TMEM182: variants seen among roughly 807,000 people sequenced by gnomAD.
TMEM182 encodes transmembrane protein 182.
TMEM182 carries 20 observed loss-of-function variants against 26.8 expected under a neutral mutation model. The ratio of observed to expected loss-of-function variants is 0.75; its 90% CI spans 0.53 to 1.09. The LOEUF is 1.09. Ranked by LOEUF, TMEM182 falls within the 50% of genes least tolerant of loss-of-function variation. TMEM182 has a pLI of 0.00. For missense variants in TMEM182, 277 were observed against 275.5 expected, an observed-to-expected ratio of 1.01 and a Z score of -0.04; for synonymous variants, 109 against 102.2, an observed-to-expected ratio of 1.07 and a Z score of -0.40.
chr2:102,776,033 A>G (rs1320862644), intron 3 of TMEM182, among the ~76,000 whole-genome samples: 2 of 152,226 alleles, frequency 1.3e-5, no homozygotes, highest in African/African-American at 4.8e-5. Flanking sequence ...TAAAAAAAGA[A>G]TAAGACTTTT....
At chr2:102,813,142 A>G (rs528758039) in intron 4 of TMEM182, among the ~76,000 whole-genome samples, 1 of 152,332 alleles carries the variant, frequency 6.6e-6, no homozygotes, top group South Asian at 2.1e-4. Flanking sequence ...TTGATTCTTC[A>G]TTGCTCTGTA....
At chr2:102,796,432 G>C (rs1290475979) in intron 3 of TMEM182, among the ~76,000 whole-genome samples, 1 of 152,194 alleles carries the variant, frequency 6.6e-6, no homozygotes, top group East Asian at 1.9e-4. Flanking sequence ...TGGCACAGAA[G>C]CTGTCCTGTG....
intron 4 of TMEM182, among the ~76,000 whole-genome samples, chr2:102,805,109 A>G (rs137927964): frequency 1.1e-4 from 16 of 152,360 alleles, no homozygotes; most frequent in Admixed American, 2.0e-4. Context: ...TATTATATAG[A>G]AAAGAGATGT....
chr2:102,760,666 G>A (rs551504114), upstream of TMEM182, among the ~76,000 whole-genome samples: 1 of 152,188 alleles, frequency 6.6e-6, no homozygotes, highest in South Asian at 2.1e-4. Flanking sequence ...CCAGGCTGGA[G>A]TGCAATGGCA....
chr2:102,754,166 C>G (rs933224602), intron 1 of TMEM182, among the ~76,000 whole-genome samples: 9 of 152,142 alleles, frequency 5.9e-5, no homozygotes, highest in Non-Finnish European at 1.3e-4. Context: ...CGTCTTGTGT[C>G]TAGGATGATG....
chr2:102,824,608 A>G (rs917414250), intron 3 of TMEM182, among the ~76,000 whole-genome samples: 8 of 152,124 alleles, frequency 5.3e-5, no homozygotes, highest in Admixed American at 5.2e-4. Flanking sequence ...GCAGATCACA[A>G]GGTCAGGAAA....
At chr2:102,742,377 A>G (rs1424473192) in intron 1 of TMEM182, among the ~76,000 whole-genome samples, 1 of 152,212 alleles carries the variant, frequency 6.6e-6, no homozygotes, top group Non-Finnish European at 1.5e-5. Flanking sequence ...AGAATTGAAT[A>G]TTAATGAATT....
At chr2:102,764,544 T>A in intron 3 of TMEM182, 117 bp downstream of exon 3, 1 of 693,920 alleles carries the variant, frequency 1.4e-6, no homozygotes, top group Non-Finnish European at 2.2e-6. Flanking sequence ...AATTTCAATA[T>A]TTTTGATATC....
At chr2:102,760,602 GT>G (rs981715892), upstream of TMEM182, among the ~76,000 whole-genome samples, 2 of 151,084 alleles carry the variant, frequency 1.3e-5, no homozygotes, top group Non-Finnish European at 3.0e-5. Context: ...TTCTATTCAT[GT>G]TTTTTTTTGT....
intron 3 of TMEM182, among the ~76,000 whole-genome samples, chr2:102,831,220 C>A (rs113264598): frequency 1.1e-4 from 17 of 152,194 alleles, no homozygotes; most frequent in African/African-American, 4.1e-4. Flanking sequence ...GGGTATACAC[C>A]CAGCAGTGGG....
intron 1 of TMEM182, among the ~76,000 whole-genome samples, chr2:102,742,259 C>T (rs747686403): frequency 1.3e-5 from 2 of 152,110 alleles, no homozygotes; most frequent in Non-Finnish European, 2.9e-5. Flanking sequence ...TTGATGGACT[C>T]ATCAGTAGAT....
chr2:102,833,757 T>G (rs1474080742), intron 3 of TMEM182, among the ~76,000 whole-genome samples: 1 of 152,208 alleles, frequency 6.6e-6, no homozygotes, highest in Non-Finnish European at 1.5e-5. Context: ...CCTTGAAACA[T>G]TTGAAGAGTA....
upstream of TMEM182, among the ~76,000 whole-genome samples, chr2:102,757,042 C>T (rs1486296267): frequency 6.6e-6 from 1 of 152,112 alleles, no homozygotes; most frequent in Non-Finnish European, 1.5e-5. Flanking sequence ...GAACTCCTGA[C>T]CTCGTGATCC....
intron 3 of TMEM182, among the ~76,000 whole-genome samples, chr2:102,831,211 G>C (rs1181979578): frequency 6.6e-6 from 1 of 152,108 alleles, no homozygotes; most frequent in East Asian, 1.9e-4. Flanking sequence ...TGTTCATTTG[G>C]GTATACACCC....
chr2:102,832,695 A>G (rs940490464), intron 3 of TMEM182, among the ~76,000 whole-genome samples: 2 of 152,224 alleles, frequency 1.3e-5, no homozygotes, highest in African/African-American at 4.8e-5. Flanking sequence ...GAAAATAACC[A>G]TACTTTCACC....
intron 4 of TMEM182, among the ~76,000 whole-genome samples, chr2:102,812,391 A>AC: frequency 2.0e-5 from 1 of 50,928 alleles, no homozygotes; most frequent in African/African-American, 6.0e-5. Context: ...ATGTACACAC[A>AC]CACACACACA....
chr2:102,756,808 C>T (rs1680051511), intron 1 of TMEM182, among the ~76,000 whole-genome samples: 2 of 145,296 alleles, frequency 1.4e-5, no homozygotes. Flanking sequence ...TAAGCACAAT[C>T]CCATTCTTTT....
In TMEM182 at chr2:102,817,032, T is replaced by C. The variant is rs986026937; in HGVS notation, c.*2064T>C. On this transcript the variant is annotated 3_prime_UTR_variant, in exon 5 of 5. Coordinates refer to ENST00000412401, the MANE Select transcript of TMEM182 (RefSeq NM_144632.5). ...CACAGATTTGCACTTTGGAACTATT[T>C]TATAGTTGTAATGCATCAATCAAAT... The C allele has an allele frequency of 2.0e-6, 2 of 985,590 alleles. No homozygotes were observed. The highest frequency in any genetic ancestry group is 2.4e-6 in the Non-Finnish European group (2 of 829,900). The allele number at this position is 985,590 out of a possible 1,614,324, so 61.1% of individuals were successfully genotyped here. A position where few individuals can be genotyped will look rare whatever the true frequency, so the allele number is the denominator to read the frequency against.
At chr2:102,737,181 C>A (rs771751952) in intron 1 of TMEM182, among the ~76,000 whole-genome samples, 1 of 152,188 alleles carries the variant, frequency 6.6e-6, no homozygotes, top group Non-Finnish European at 1.5e-5. Flanking sequence ...GATCCACAGA[C>A]CCTGGCCACC....
Sources: allele counts gnomAD v4.1 joint callset (sites outside exome capture counted in the v4.1 genomes callset), GRCh38; gene constraint gnomAD v4.1.1; transcripts MANE v1.5; gene names NCBI Gene and HGNC (gene_info 2026-07-23, HGNC 2026-07-21).